Variants in RAP1B observed in about 807,000 individuals in gnomAD.
RAP1B encodes the protein ras-related protein Rap-1b.
RAP1B carries 1 observed loss-of-function variant against 27.5 expected under a neutral mutation model. The observed-to-expected ratio is 0.04, with a 90% CI of 0.01 to 0.17. The LOEUF (loss-of-function observed/expected upper bound fraction) is 0.17. RAP1B is among the 10% of genes least tolerant of loss of function. RAP1B has a pLI of 1.00. For synonymous variants in RAP1B, 75 were observed against 73.1 expected (o/e 1.03, Z -0.13); for missense variants, 84 against 214.8 (o/e 0.39, Z 3.81).
chr12:68,620,584 G>C (rs866499213), intron 1 of RAP1B, among the ~76,000 whole-genome samples: 5 of 150,830 alleles, frequency 3.3e-5, no homozygotes, highest in Non-Finnish European at 7.4e-5. Context: ...CATGGGATAA[G>C]TCCAAATTTT....
intron 4 of RAP1B, among the ~76,000 whole-genome samples, chr12:68,652,627 C>T (rs142872545): frequency 0.017 from 2,645 of 151,788 alleles, 42 homozygotes; most frequent in Non-Finnish European, 0.024. Flanking sequence ...CCAGCCTGGG[C>T]AACACAGTGA....
chr12:68,669,765 A>C lies in RAP1B; in HGVS notation c.*10516A>C, dbSNP rs192154813. 9.2e-3 allele frequency: 1,398 copies of C among 152,250 alleles called. 10 individuals are homozygous for C. Among genetic ancestry groups the C allele is most frequent in the South Asian group, 0.019 (94 of 4,822 alleles). 9.4% of individuals were successfully genotyped at this position (152,250 alleles called of 1,614,324 possible). On this transcript the variant is annotated 3_prime_UTR_variant, in exon 8 of 8. Transcript: ENST00000250559. The stretch of plus-strand genomic sequence containing the variant: ...GCAGTAGCTGAGATTGTACCACTGC[A>C]CTCCAGCCTGGGTGACAGAGCAAAT...
At position 68,662,460 on chromosome 12, in the gene RAP1B, T is replaced by C. The variant is rs1453609603; in HGVS notation, c.*3211T>C. ...TATGTGGGCATTACAAATAGAAATT[T>C]TTAAAATTCCATTTATAAAATGAAG... On this transcript the variant is annotated 3_prime_UTR_variant, in exon 8 of 8. Coordinates refer to ENST00000250559, the MANE Select transcript of RAP1B (RefSeq NM_001010942.3). 1.3e-5 allele frequency: 2 copies of C among 152,132 alleles called. No individual in the cohort carries two copies. The allele number at this position is 152,132 out of a possible 1,614,324, so 9.4% of individuals were successfully genotyped here.
intron 1 of RAP1B, among the ~76,000 whole-genome samples, chr12:68,640,066 C>T (rs1188920151): frequency 6.6e-6 from 1 of 152,054 alleles, no homozygotes; most frequent in Non-Finnish European, 1.5e-5. Context: ...GTCTCCATCT[C>T]CTGACCTCGT....
intron 4 of RAP1B, among the ~76,000 whole-genome samples, chr12:68,652,539 G>A (rs1052529559): frequency 3.3e-5 from 5 of 152,054 alleles, no homozygotes; most frequent in African/African-American, 1.2e-4. Context: ...TATTGGCCGG[G>A]CGCAGTGGCT....
chr12:68,648,610 A>T (rs890251560), intron 1 of RAP1B, 89 bp from the exon 2 acceptor site: 5 of 1,073,178 alleles, frequency 4.7e-6, no homozygotes, highest in Non-Finnish European at 6.8e-6. Flanking sequence ...TTTTAAATAA[A>T]TCTATTTTCC....
chr12:68,625,020 T>G (rs1871650212), intron 1 of RAP1B: 1 of 152,234 alleles, frequency 6.6e-6, no homozygotes, highest in African/African-American at 2.4e-5. Context: ...TATCCATTTG[T>G]TTGGTGTATA....
chr12:68,643,459 A>T (rs1873169557), intron 1 of RAP1B, among the ~76,000 whole-genome samples: 1 of 152,186 alleles, frequency 6.6e-6, no homozygotes, highest in East Asian at 1.9e-4. Flanking sequence ...TTCTTTTTCT[A>T]TAAAGCACTT....
intron 1 of RAP1B, among the ~76,000 whole-genome samples, chr12:68,613,752 G>A (rs1211051570): frequency 1.3e-5 from 2 of 152,230 alleles, no homozygotes; most frequent in Non-Finnish European, 2.9e-5. Context: ...AATGGTTAGC[G>A]TTTGAATTTA....
chr12:68,627,051 G>T (rs1871843803), intron 1 of RAP1B: 27 of 1,593,370 alleles, frequency 1.7e-5, no homozygotes, highest in Non-Finnish European at 2.3e-5. Context: ...CTTGAACTTG[G>T]CCCTGCGCAG....
In RAP1B at chr12:68,651,203, C is replaced by T. The variant is rs568297100; in HGVS notation, c.126+735C>T. The stretch of plus-strand genomic sequence containing the variant: ...TTTGGATTTTTAGATTAGGGATGCT[C>T]AGCCTATAGAAAGGTGAATTCCTGT... On this transcript the variant is annotated intron_variant, in intron 3 of 7. Transcript: ENST00000250559. Among the ~76,000 whole-genome samples the T allele has an allele frequency of 3.3e-5, 5 of 152,274 alleles. No individual in the cohort carries two copies. The East Asian group carries it at 5.8e-4, about 18-fold the overall frequency.
chr12:68,657,530 G>C (rs558181812), intron 7 of RAP1B: 38 of 171,166 alleles, frequency 2.2e-4, no homozygotes, highest in Admixed American at 1.1e-3. Context: ...TCAGCCTCCC[G>C]AGTAGCTGGG....
rs183913364 is a variant in RAP1B at position 68,659,592 on chromosome 12, T to C, written c.*343T>C. 399 of 191,892 alleles carry C rather than the reference T, an allele frequency of 2.1e-3. 2 individuals are homozygous for C. Among genetic ancestry groups the C allele is most frequent in the African/African-American group, 9.0e-3 (379 of 42,154 alleles). 11.9% of individuals were successfully genotyped at this position (191,892 alleles called of 1,614,324 possible). ...ACTTTAACATGCCCCATACTTTGTA[T>C]TGGAGAGTACAATAATGTAAATCCT... On this transcript the variant is annotated 3_prime_UTR_variant, in exon 8 of 8. Coordinates refer to ENST00000250559, the MANE Select transcript of RAP1B (RefSeq NM_001010942.3).
chr12:68,611,840 A>T (rs763267544), intron 1 of RAP1B, among the ~76,000 whole-genome samples: 1 of 152,210 alleles, frequency 6.6e-6, no homozygotes, highest in African/African-American at 2.4e-5. Flanking sequence ...CGAGGTGTCT[A>T]ATCCTAAAAC....
At chr12:68,651,410 C>G (rs1032878403) in intron 3 of RAP1B, among the ~76,000 whole-genome samples, 2 of 152,134 alleles carry the variant, frequency 1.3e-5, no homozygotes, top group Non-Finnish European at 2.9e-5. Context: ...CTTTTGCACC[C>G]CAGCTGTGAG....
At position 68,622,595 on chromosome 12, in the gene RAP1B, C is replaced by T. The variant is rs572394736; in HGVS notation, c.-27+11552C>T. 5.3e-5 allele frequency among the ~76,000 whole-genome samples: 8 copies of T among 152,288 alleles called. No individual in the cohort carries two copies. In the East Asian group the frequency reaches 1.5e-3, roughly 29 times the overall value. ...GATGTCACATTTACAGAGTTTTTTC[C>T]TGATCACCTTATATAAAGGAGCATT... is the stretch of plus-strand genomic sequence containing the variant. On this transcript the variant is annotated intron_variant, in intron 1 of 7. Coordinates refer to ENST00000250559, the MANE Select transcript of RAP1B (RefSeq NM_001010942.3).
chr12:68,634,738 T>C (rs1284148333), intron 1 of RAP1B, among the ~76,000 whole-genome samples: 1 of 152,218 alleles, frequency 6.6e-6, no homozygotes, highest in Non-Finnish European at 1.5e-5. Flanking sequence ...CTCTATTCTG[T>C]ATTCTACCAT....
At chr12:68,618,740 ATTT>A (rs148714104) in intron 1 of RAP1B, among the ~76,000 whole-genome samples, 7,910 of 151,652 alleles carry the variant, frequency 0.052, 664 homozygotes, top group African/African-American at 0.18. Flanking sequence ...ATGCACTCAG[ATTT>A]TTTTTTAAGT....
intron 3 of RAP1B, among the ~76,000 whole-genome samples, chr12:68,651,528 C>T (rs1308365964): frequency 6.6e-6 from 1 of 152,168 alleles, no homozygotes; most frequent in African/African-American, 2.4e-5. Context: ...TATTTAATAG[C>T]TGTGCCACTG....
Sources: gnomAD v4.1 joint callset for allele counts (sites outside exome capture counted in the v4.1 genomes callset) on GRCh38, gnomAD v4.1.1 for gene constraint, MANE v1.5 for transcripts, NCBI Gene and HGNC (gene_info 2026-07-23, HGNC 2026-07-21) for gene names.